Variants in KCNMA1 observed in about 807,000 individuals in gnomAD.
KCNMA1 encodes potassium calcium-activated channel subfamily M alpha 1, also known as Calcium-activated potassium channel subunit alpha-1.
KCNMA1 carries 29 observed loss-of-function variants against 140.0 expected under a neutral mutation model. The observed-to-expected ratio is 0.21, with a 90% CI of 0.15 to 0.28. KCNMA1 has a LOEUF of 0.28. Ranked by LOEUF, KCNMA1 falls within the 10% of genes least tolerant of loss-of-function variation. The pLI is 1.00. For missense variants in KCNMA1, 880 were observed against 1,602.2 expected, an observed-to-expected ratio of 0.55 and a Z score of 7.70; for synonymous variants, 612 against 611.9, an observed-to-expected ratio of 1.00 and a Z score of 0.00.
At chr10:77,499,430 C>CACAT (rs1159313850) in intron 1 of KCNMA1, among the ~76,000 whole-genome samples, 3 of 136,614 alleles carry the variant, frequency 2.2e-5, no homozygotes, top group Non-Finnish European at 3.0e-5. Flanking sequence ...TATACACACA[C>CACAT]ACACATACAC....
rs933223191 is a variant in KCNMA1 at position 77,112,540 on chromosome 10, T to A, written c.885-98A>T. 7.4e-6 allele frequency: 6 copies of A among 810,958 alleles called. No homozygotes were observed. The African/African-American group carries it at 1.0e-4, about 14-fold the overall frequency. 50.2% of individuals were successfully genotyped at this position (810,958 alleles called of 1,614,324 possible). On this transcript the variant is annotated intron_variant, in intron 6 of 27. Transcript: ENST00000286628. ...ACAGCACCCGCTTAGCAGGAGAGGC[T>A]GCCACATCTAACTCCCAACCATTTC... is the stretch of plus-strand genomic sequence containing the variant.
intron 14 of KCNMA1, among the ~76,000 whole-genome samples, chr10:77,045,455 A>G (rs1030974527): frequency 3.3e-5 from 5 of 152,236 alleles, no homozygotes; most frequent in African/African-American, 1.2e-4. Context: ...GGACTGAGCC[A>G]ATGAACTAGC....
rs201288668 is a variant in KCNMA1, at chr10:77,082,007, C to CTTTTTT, written c.1524-2463_1524-2458dup. 3.4e-3 allele frequency among the ~76,000 whole-genome samples: 111 copies of CTTTTTT among 32,488 alleles called. 1 individual carries two copies. Among genetic ancestry groups the CTTTTTT allele is most frequent in the East Asian group, 0.016 (32 of 2,042 alleles). The allele number at this position is 32,488 out of a possible 152,430, so 21.3% of individuals were successfully genotyped here. A position where few individuals can be genotyped will look rare whatever the true frequency, so the allele number is the denominator to read the frequency against. The stretch of plus-strand genomic sequence containing the variant: ...GACCAGTAATTTCTTTTTTTCTTTT[C>CTTTTTT]TTTTTTTTTTTTTTTTTTTTTTTTT... On this transcript the variant is annotated intron_variant, in intron 12 of 27. Coordinates refer to ENST00000286628, the MANE Select transcript of KCNMA1 (RefSeq NM_001161352.2).
chr10:77,574,842 C>T (rs1298329693), intron 1 of KCNMA1, among the ~76,000 whole-genome samples: 3 of 152,258 alleles, frequency 2.0e-5, no homozygotes, highest in Non-Finnish European at 4.4e-5. Flanking sequence ...ACTATGAATG[C>T]TTTCCATGTC....
chr10:77,490,490 G>T (rs915193108), intron 1 of KCNMA1, among the ~76,000 whole-genome samples: 4 of 152,128 alleles, frequency 2.6e-5, no homozygotes, highest in Non-Finnish European at 5.9e-5. Context: ...ATGATTTACT[G>T]GAACTTCTTG....
At chr10:77,383,277 C>G (rs1344648451) in intron 2 of KCNMA1, among the ~76,000 whole-genome samples, 1 of 151,680 alleles carries the variant, frequency 6.6e-6, no homozygotes, top group Middle Eastern at 3.4e-3. Context: ...ATTCTTATGC[C>G]AACAATTGGC....
chr10:77,306,038 C>G (rs2077619859), intron 2 of KCNMA1, among the ~76,000 whole-genome samples: 1 of 152,204 alleles, frequency 6.6e-6, no homozygotes, highest in South Asian at 2.1e-4. Context: ...GGGCTCACTT[C>G]ACCCCCAGTG....
intron 5 of KCNMA1, among the ~76,000 whole-genome samples, chr10:77,162,343 G>A (rs1043033815): frequency 6.6e-6 from 1 of 152,220 alleles, no homozygotes; most frequent in Non-Finnish European, 1.5e-5. Context: ...TTGCAAATTT[G>A]CTGGGGATGA....
At chr10:77,247,013 C>T (rs529397565) in intron 3 of KCNMA1, among the ~76,000 whole-genome samples, 8 of 152,326 alleles carry the variant, frequency 5.3e-5, no homozygotes, top group South Asian at 2.1e-4. Context: ...CATTTAACAA[C>T]GTATAACCTT....
chr10:77,186,607 G>A (rs1318314241), intron 3 of KCNMA1, among the ~76,000 whole-genome samples: 3 of 152,082 alleles, frequency 2.0e-5, no homozygotes, highest in Admixed American at 2.0e-4. Context: ...CAGGCCATGG[G>A]GGTGCTTGTT....
At chr10:77,457,081 A>G (rs667497) in intron 1 of KCNMA1, among the ~76,000 whole-genome samples, 55,539 of 151,936 alleles carry the variant, frequency 0.37, 10,582 homozygotes, top group South Asian at 0.57. Context: ...ATATGCCTGC[A>G]CTTCCTAGAA....
At chr10:77,316,635 G>A (rs957196150) in intron 2 of KCNMA1, among the ~76,000 whole-genome samples, 1 of 152,092 alleles carries the variant, frequency 6.6e-6, no homozygotes, top group African/African-American at 2.4e-5. Context: ...TACAAGCAAG[G>A]CTCTAGAGCT....
intron 5 of KCNMA1, among the ~76,000 whole-genome samples, chr10:77,181,383 T>A (rs202042790): frequency 2.0e-5 from 3 of 151,916 alleles, no homozygotes; most frequent in East Asian, 3.9e-4. Context: ...TTAAAAGGAG[T>A]CCCTGTTAAC....
At chr10:77,560,021 C>CAA (rs35837413) in intron 1 of KCNMA1, among the ~76,000 whole-genome samples, 69 of 143,896 alleles carry the variant, frequency 4.8e-4, no homozygotes, top group Non-Finnish European at 8.2e-4. Context: ...ACTAAAAATA[C>CAA]AAAAAAAAAA....
At chr10:77,207,605 A>G (rs1387150775) in intron 3 of KCNMA1, among the ~76,000 whole-genome samples, 1 of 152,214 alleles carries the variant, frequency 6.6e-6, no homozygotes. Flanking sequence ...GCAAGCCAGT[A>G]CCTGACCTAT....
chr10:77,296,836 A>C (rs973566784), intron 2 of KCNMA1, among the ~76,000 whole-genome samples: 3 of 149,952 alleles, frequency 2.0e-5, no homozygotes, highest in African/African-American at 7.3e-5. Context: ...GTATGAAAAA[A>C]ACAGATGAGA....
intron 9 of KCNMA1, among the ~76,000 whole-genome samples, chr10:77,102,301 T>C (rs758048850): frequency 2.6e-5 from 4 of 152,174 alleles, no homozygotes; most frequent in Non-Finnish European, 5.9e-5. Context: ...AGAACCCTGG[T>C]GGACAAGACA....
intron 2 of KCNMA1, among the ~76,000 whole-genome samples, chr10:77,338,050 C>T (rs180840732): frequency 7.1e-4 from 108 of 152,306 alleles, no homozygotes; most frequent in Admixed American, 1.6e-3. Context: ...GTTATTGGCG[C>T]CTCTCTTTAC....
At chr10:76,968,964 C>T (rs2075030822) in intron 20 of KCNMA1, among the ~76,000 whole-genome samples, 1 of 152,032 alleles carries the variant, frequency 6.6e-6, no homozygotes, top group Non-Finnish European at 1.5e-5. Context: ...AAGCCGGTGG[C>T]CATGAAAAGA....
Sources: gnomAD v4.1 joint callset for allele counts (sites outside exome capture counted in the v4.1 genomes callset) on GRCh38, gnomAD v4.1.1 for gene constraint, MANE v1.5 for transcripts, NCBI Gene and HGNC (gene_info 2026-07-23, HGNC 2026-07-21) for gene names.